Variants in DHRSX observed in about 807,000 individuals in gnomAD.
The protein encoded by DHRSX is polyprenol dehydrogenase.
A neutral mutation model predicts 34.0 loss-of-function variants in DHRSX; 31 were observed. That is an observed-to-expected ratio of 0.91 (90% CI 0.69 to 1.23). The LOEUF (loss-of-function observed/expected upper bound fraction) is 1.23, where lower values mean the gene tolerates loss of function less well. Among genes scored for constraint, DHRSX ranks in the 50% most tolerant of loss-of-function variants. DHRSX has a pLI of 0.00. For synonymous variants in DHRSX, 201 were observed against 183.8 expected (o/e 1.09, Z -0.76); for missense variants, 414 against 428.1 (o/e 0.97, Z 0.29).
At chrX:2,388,487 C>T (rs944934192) in intron 3 of DHRSX, among the ~76,000 whole-genome samples, 2 of 151,896 alleles carry the variant, frequency 1.3e-5, no homozygotes, top group African/African-American at 2.4e-5. Context: ...AGGGAGAAGA[C>T]GGTGACTCCA....
At chrX:2,276,236 A>G (rs1297105222) in intron 4 of DHRSX, among the ~76,000 whole-genome samples, 3 of 152,222 alleles carry the variant, frequency 2.0e-5, no homozygotes, top group Non-Finnish European at 1.5e-5. Context: ...TTGTTGCACA[A>G]GTTTTAATCA....
intron 3 of DHRSX, among the ~76,000 whole-genome samples, chrX:2,320,753 C>T (rs73628298): frequency 0.03 from 4,477 of 151,424 alleles, 95 homozygotes; most frequent in South Asian, 0.062. Flanking sequence ...AATGTGGCAA[C>T]CCCTCCTTAC....
intron 1 of DHRSX, among the ~76,000 whole-genome samples, chrX:2,432,017 C>T (rs1304743385): frequency 9.2e-5 from 14 of 151,972 alleles, no homozygotes; most frequent in Non-Finnish European, 1.5e-4. Context: ...ATGGTGAAAC[C>T]GCATCTCTAC....
chrX:2,226,337 C>T (rs1199041589), intron 6 of DHRSX, among the ~76,000 whole-genome samples: 1 of 152,128 alleles, frequency 6.6e-6, no homozygotes, highest in African/African-American at 2.4e-5. Flanking sequence ...ATTTCAATCT[C>T]CTGTTGGTTA....
intron 3 of DHRSX, among the ~76,000 whole-genome samples, chrX:2,329,173 T>TGG (rs1186994636): frequency 2.6e-5 from 4 of 152,156 alleles, no homozygotes; most frequent in African/African-American, 9.7e-5. Context: ...GGCCAGGCAG[T>TGG]GGGGCTCTAC....
intron 3 of DHRSX, among the ~76,000 whole-genome samples, chrX:2,383,747 A>T (rs1350744172): frequency 6.6e-6 from 1 of 152,224 alleles, no homozygotes; most frequent in African/African-American, 2.4e-5. Flanking sequence ...AGAAGGGATT[A>T]AGTGTCCCAA....
At chrX:2,304,339 T>G (rs1382778626) in intron 3 of DHRSX, among the ~76,000 whole-genome samples, 7 of 117,950 alleles carry the variant, frequency 5.9e-5, no homozygotes, top group Non-Finnish European at 9.0e-5. Flanking sequence ...ATGGATGAAC[T>G]GATGGATGGA....
At chrX:2,250,209 T>C (rs1174070806) in intron 5 of DHRSX, among the ~76,000 whole-genome samples, 2 of 151,608 alleles carry the variant, frequency 1.3e-5, no homozygotes, top group Non-Finnish European at 2.9e-5. Flanking sequence ...AAGTCTTTTC[T>C]GGCTGGGTGC....
In DHRSX at chrX:2,288,805, C is replaced by G. The variant is rs1433141125; in HGVS notation, c.388+2697G>C. Among the ~76,000 whole-genome samples, 7 of 152,332 alleles carry G rather than the reference C, an allele frequency of 4.6e-5. No individual in the cohort carries two copies. The East Asian group carries it at 1.3e-3, about 29-fold the overall frequency. ...ATAGGGTACAGAGACAATCCAACAA[C>G]AAGACCCTTTTGATTCAAATTCAAC... On this transcript the variant is annotated intron_variant, in intron 4 of 6. Transcript: ENST00000334651.
chrX:2,333,963 G>T lies in DHRSX; in HGVS notation c.287-42360C>A, dbSNP rs182381504. Among the ~76,000 whole-genome samples the T allele has an allele frequency of 2.6e-5, 4 of 152,212 alleles. No individual in the cohort carries two copies. The South Asian group carries it at 6.2e-4, about 24-fold the overall frequency. On this transcript the variant is annotated intron_variant, in intron 3 of 6. Coordinates refer to ENST00000334651, the MANE Select transcript of DHRSX (RefSeq NM_145177.3). ...TTACAGCTGCACAGTATTCCACGAC[G>T]TACATGTACCACATTTTCTTTACCC...
At chrX:2,248,978 C>G (rs1233243038) in intron 5 of DHRSX, among the ~76,000 whole-genome samples, 1 of 152,098 alleles carries the variant, frequency 6.6e-6, no homozygotes, top group Non-Finnish European at 1.5e-5. Context: ...TGCCTTTTCT[C>G]CTATTCATCT....
At chrX:2,346,640 G>A (rs929989102) in intron 3 of DHRSX, among the ~76,000 whole-genome samples, 13 of 123,516 alleles carry the variant, frequency 1.1e-4, no homozygotes, top group African/African-American at 4.1e-4. Flanking sequence ...TGTTGTATGA[G>A]TCTGGTTTTT....
At position 2,269,857 on chromosome X, in the gene DHRSX, G is replaced by A. The variant is rs577375005; in HGVS notation, c.389-2910C>T. Among the ~76,000 whole-genome samples, 29 of 152,206 alleles carry A rather than the reference G, an allele frequency of 1.9e-4. 1 individual carries two copies. The South Asian group carries it at 5.8e-3, about 31-fold the overall frequency. ...ACCCGGCCGTGTGTGTATTTTATAT[G>A]GAGATATGTATATATCTATAGGTCT... On this transcript the variant is annotated intron_variant, in intron 4 of 6. Coordinates refer to ENST00000334651, the MANE Select transcript of DHRSX (RefSeq NM_145177.3).
intron 1 of DHRSX, among the ~76,000 whole-genome samples, chrX:2,433,912 C>A (rs779639014): frequency 2.0e-5 from 3 of 152,236 alleles, no homozygotes; most frequent in South Asian, 4.1e-4. Flanking sequence ...GTAGCTGGGA[C>A]TACAGGCGCC....
chrX:2,410,490 C>T (rs368047990), intron 2 of DHRSX, among the ~76,000 whole-genome samples: 21 of 152,260 alleles, frequency 1.4e-4, no homozygotes, highest in Non-Finnish European at 2.4e-4. Context: ...GCACCGTCCC[C>T]GGGTCTCCAT....
At chrX:2,360,328 T>C (rs1415170440) in intron 3 of DHRSX, among the ~76,000 whole-genome samples, 3 of 152,214 alleles carry the variant, frequency 2.0e-5, no homozygotes, top group Non-Finnish European at 4.4e-5. Context: ...CTCACGCCTG[T>C]AATCCCAGCA....
intron 3 of DHRSX, among the ~76,000 whole-genome samples, chrX:2,319,669 A>G (rs1008935634): frequency 3.9e-5 from 6 of 151,940 alleles, no homozygotes; most frequent in Non-Finnish European, 8.8e-5. Flanking sequence ...TATACATAAC[A>G]TACAAACTAT....
At chrX:2,291,894 G>GTT (rs1162716010) in intron 3 of DHRSX, among the ~76,000 whole-genome samples, 1,782 of 95,144 alleles carry the variant, frequency 0.019, 52 homozygotes, top group African/African-American at 0.065. Context: ...TTGTATTTTT[G>GTT]TATTTTTTTT....
At chrX:2,305,669 G>A (rs752729148) in intron 3 of DHRSX, among the ~76,000 whole-genome samples, 4 of 152,152 alleles carry the variant, frequency 2.6e-5, no homozygotes, top group African/African-American at 7.2e-5. Context: ...CATTAAAAAG[G>A]ATGAGTTCAT....
Sources: allele counts gnomAD v4.1 joint callset (sites outside exome capture counted in the v4.1 genomes callset), GRCh38; gene constraint gnomAD v4.1.1; transcripts MANE v1.5; gene names NCBI Gene and HGNC (gene_info 2026-07-23, HGNC 2026-07-21).